The following RBFOX1 variants were observed in gnomAD, a reference collection of about 807,000 sequenced individuals.
RBFOX1 encodes the protein RNA binding fox-1 homolog 1, also known as RNA binding protein fox-1 homolog 1.
In RBFOX1, 8 loss-of-function variants were observed where a neutral mutation model predicts 57.7. That is an observed-to-expected ratio of 0.14 (90% CI 0.08 to 0.25). The LOEUF (loss-of-function observed/expected upper bound fraction) is 0.25. RBFOX1 is among the 10% of genes least tolerant of loss of function. The pLI, the probability that RBFOX1 is intolerant of heterozygous loss-of-function variation, is 1.00. For synonymous variants in RBFOX1, 326 were observed against 222.4 expected, an observed-to-expected ratio of 1.47 and a Z score of -4.15; for missense variants, 611 against 548.5, an observed-to-expected ratio of 1.11 and a Z score of -1.14.
intron 2 of RBFOX1, among the ~76,000 whole-genome samples, chr16:5,593,358 G>T (rs1185124515): frequency 6.6e-6 from 1 of 152,044 alleles, no homozygotes; most frequent in African/African-American, 2.4e-5. Flanking sequence ...GGGGGTTAGG[G>T]GAGGGATAGC....
chr16:6,912,774 C>T (rs554522245), intron 3 of RBFOX1, among the ~76,000 whole-genome samples: 1 of 151,764 alleles, frequency 6.6e-6, no homozygotes, highest in Non-Finnish European at 1.5e-5. Context: ...CATGCCACCA[C>T]ACGTGCCCGC....
intron 3 of RBFOX1, among the ~76,000 whole-genome samples, chr16:5,824,552 C>T (rs1479609557): frequency 6.6e-6 from 1 of 152,198 alleles, no homozygotes; most frequent in Non-Finnish European, 1.5e-5. Flanking sequence ...GTGATTGACA[C>T]ATGCAATTTC....
chr16:5,595,135 G>A (rs1356281261), intron 2 of RBFOX1, among the ~76,000 whole-genome samples: 1 of 152,048 alleles, frequency 6.6e-6, no homozygotes, highest in East Asian at 1.9e-4. Context: ...GTCAGAGCAA[G>A]ACTCCATCTC....
intron 2 of RBFOX1, among the ~76,000 whole-genome samples, chr16:5,571,787 C>G (rs575029452): frequency 2.0e-5 from 3 of 152,338 alleles, no homozygotes; most frequent in East Asian, 3.9e-4. Context: ...TCCTTGTTCA[C>G]TAGAAGCAAG....
intron 4 of RBFOX1, among the ~76,000 whole-genome samples, chr16:7,327,345 T>C (rs2096624184): frequency 6.6e-6 from 1 of 152,180 alleles, no homozygotes; most frequent in Non-Finnish European, 1.5e-5. Flanking sequence ...AAAATTTGTA[T>C]CGGAGGATGA....
intron 3 of RBFOX1, among the ~76,000 whole-genome samples, chr16:5,846,558 A>T (rs569092265): frequency 2.6e-5 from 4 of 152,320 alleles, no homozygotes; most frequent in Non-Finnish European, 4.4e-5. Context: ...CAGGTGGGTG[A>T]CCAGGTGTAC....
chr16:6,010,184 T>C (rs1183824869), intron 4 of RBFOX1, among the ~76,000 whole-genome samples: 2 of 152,096 alleles, frequency 1.3e-5, no homozygotes, highest in Admixed American at 6.5e-5. Context: ...GACTTCCAAA[T>C]CTCAGCACCT....
rs149957635 is a variant in RBFOX1 at position 5,990,832 on chromosome 16, G to T, written c.351+123497G>T. 7.5e-3 allele frequency among the ~76,000 whole-genome samples: 1,142 copies of T among 152,220 alleles called. 26 individuals are homozygous for T. Among genetic ancestry groups the T allele is most frequent in the African/African-American group, 0.026 (1,086 of 41,510 alleles). ...CTACTAAAAATACAAAAATTAGCTG[G>T]GTGTGGTGGTGCACGCCTGTAGTCC... On this transcript the variant is annotated intron_variant, in intron 4 of 19. Transcript: ENST00000641259.
intron 4 of RBFOX1, among the ~76,000 whole-genome samples, chr16:7,439,972 G>A (rs1445454328): frequency 8.6e-6 from 1 of 115,770 alleles, no homozygotes; most frequent in Non-Finnish European, 1.7e-5. Context: ...TTTTTTTTGA[G>A]ACAGGGTCTC....
intron 2 of RBFOX1, among the ~76,000 whole-genome samples, chr16:5,592,023 T>G (rs139126207): frequency 2.0e-5 from 3 of 152,258 alleles, no homozygotes; most frequent in Admixed American, 6.5e-5. Flanking sequence ...TTTGTCAGTC[T>G]CCGTAAAAAA....
chr16:6,719,705 C>G (rs1268678945), intron 3 of RBFOX1, among the ~76,000 whole-genome samples: 16 of 152,016 alleles, frequency 1.1e-4, no homozygotes, highest in Non-Finnish European at 2.4e-4. Flanking sequence ...CTTGGCCTCC[C>G]AAAGTGATGG....
chr16:6,445,174 G>C (rs974971792), intron 2 of RBFOX1, among the ~76,000 whole-genome samples: 1 of 152,144 alleles, frequency 6.6e-6, no homozygotes, highest in African/African-American at 2.4e-5. Flanking sequence ...GGGAACATGA[G>C]AATAAGAGAG....
At chr16:6,833,215 G>C (rs1012798497) in intron 3 of RBFOX1, among the ~76,000 whole-genome samples, 5 of 151,408 alleles carry the variant, frequency 3.3e-5, no homozygotes, top group African/African-American at 7.3e-5. Context: ...ACCCAGGGTG[G>C]AGTGCAGTGG....
intron 3 of RBFOX1, among the ~76,000 whole-genome samples, chr16:6,950,560 T>G (rs553983685): frequency 6.6e-6 from 1 of 152,174 alleles, no homozygotes. Flanking sequence ...GAAATGAATG[T>G]GTGTTAGGAG....
intron 2 of RBFOX1, among the ~76,000 whole-genome samples, chr16:5,490,698 C>G (rs2042798890): frequency 6.6e-6 from 1 of 152,168 alleles, no homozygotes; most frequent in Non-Finnish European, 1.5e-5. Context: ...GGAGGCCTGG[C>G]CAGGCGGATT....
chr16:6,054,745 T>C (rs2095593966), intron 1 of RBFOX1, among the ~76,000 whole-genome samples: 1 of 152,190 alleles, frequency 6.6e-6, no homozygotes, highest in Admixed American at 6.5e-5. Flanking sequence ...CACATAAGAT[T>C]CATCGGTGGA....
intron 4 of RBFOX1, among the ~76,000 whole-genome samples, chr16:5,987,905 T>C (rs1382023443): frequency 1.3e-5 from 2 of 152,184 alleles, no homozygotes; most frequent in Admixed American, 1.3e-4. Flanking sequence ...CACTGTGACA[T>C]GGGAACTGTA....
intron 4 of RBFOX1, among the ~76,000 whole-genome samples, chr16:7,233,329 C>G (rs745750664): frequency 5.3e-5 from 8 of 151,976 alleles, no homozygotes; most frequent in Non-Finnish European, 7.4e-5. Flanking sequence ...AAGAATTATC[C>G]CAGCTCTTCT....
chr16:6,802,760 G>T (rs1006891955), intron 3 of RBFOX1, among the ~76,000 whole-genome samples: 1 of 152,194 alleles, frequency 6.6e-6, no homozygotes, highest in Non-Finnish European at 1.5e-5. Context: ...CCACGTTGTT[G>T]TAAGAATCTG....
Sources: gnomAD v4.1 joint callset for allele counts (sites outside exome capture counted in the v4.1 genomes callset) on GRCh38, gnomAD v4.1.1 for gene constraint, MANE v1.5 for transcripts, NCBI Gene and HGNC (gene_info 2026-07-23, HGNC 2026-07-21) for gene names.